The following DNAAF11 variants were observed in gnomAD, a reference collection of about 807,000 sequenced individuals.
The protein encoded by DNAAF11 is leucine rich repeat containing 6.
A neutral mutation model predicts 60.8 loss-of-function variants in DNAAF11; 45 were observed. That is an observed-to-expected ratio of 0.74 (90% confidence interval 0.58 to 0.95). The LOEUF is 0.95. Ranked by LOEUF, DNAAF11 falls within the 40% of genes least tolerant of loss-of-function variation. The pLI is 0.00. For synonymous variants in DNAAF11, 191 were observed against 183.5 expected (o/e 1.04, Z -0.33); for missense variants, 546 against 546.2 (o/e 1.00, Z 0.00).
intron 1 of DNAAF11, among the ~76,000 whole-genome samples, chr8:132,667,298 A>T (rs1164471443): frequency 6.6e-6 from 1 of 152,214 alleles, no homozygotes; most frequent in Non-Finnish European, 1.5e-5. Context: ...ACTGGAGATA[A>T]TGTTAGCATT....
chr8:132,656,058 C>T (rs530049631), intron 3 of DNAAF11, among the ~76,000 whole-genome samples: 1 of 152,332 alleles, frequency 6.6e-6, no homozygotes, highest in East Asian at 1.9e-4. Context: ...AGGAGGCTTA[C>T]TGTAGCCATG....
At chr8:132,646,498 A>C (rs1822402259) in intron 3 of DNAAF11, among the ~76,000 whole-genome samples, 1 of 152,234 alleles carries the variant, frequency 6.6e-6, no homozygotes, top group Non-Finnish European at 1.5e-5. Flanking sequence ...ATTAGCCTTA[A>C]ATGTAAATAG....
intron 5 of DNAAF11, among the ~76,000 whole-genome samples, chr8:132,630,777 T>C (rs1381389942): frequency 6.6e-6 from 1 of 152,134 alleles, no homozygotes; most frequent in Non-Finnish European, 1.5e-5. Context: ...TTTAAAATAT[T>C]CAAATTCACT....
At chr8:132,677,255 G>A (rs989231543), upstream of DNAAF11, among the ~76,000 whole-genome samples, 2 of 152,090 alleles carry the variant, frequency 1.3e-5, no homozygotes, top group African/African-American at 4.8e-5. Context: ...GTTCATCAAG[G>A]CTAAAAAGGA....
chr8:132,630,237 T>C (rs1820665549), intron 5 of DNAAF11, among the ~76,000 whole-genome samples: 1 of 152,220 alleles, frequency 6.6e-6, no homozygotes, highest in African/African-American at 2.4e-5. Context: ...AGATATGCTA[T>C]AAATCTATAC....
chr8:132,670,811 A>G, intron 1 of DNAAF11, among the ~76,000 whole-genome samples: 1 of 152,220 alleles, frequency 6.6e-6, no homozygotes, highest in East Asian at 1.9e-4. Context: ...TATAATGCTC[A>G]GAAATCCAAG....
chr8:132,624,273 G>A lies in DNAAF11; in HGVS notation c.836+999C>T, dbSNP rs181138012. Among the ~76,000 whole-genome samples the A allele has an allele frequency of 7.2e-5, 11 of 152,180 alleles. No individual in the cohort carries two copies. The East Asian group carries it at 2.1e-3, about 29-fold the overall frequency. The stretch of plus-strand genomic sequence containing the variant: ...CAGTACAGTGGGGTAGGTAAGACAG[G>A]TATGATAATCCCTGTTTAGCAGATG... On this transcript the variant is annotated intron_variant, in intron 6 of 11. Coordinates refer to ENST00000620350, the MANE Select transcript of DNAAF11 (RefSeq NM_012472.6).
intron 3 of DNAAF11, among the ~76,000 whole-genome samples, chr8:132,652,947 A>C (rs1020315666): frequency 2.2e-4 from 34 of 152,336 alleles, no homozygotes; most frequent in African/African-American, 7.5e-4. Context: ...AATAAAAAAA[A>C]AGTACGGCCA....
At chr8:132,650,364 G>C (rs1377117421) in intron 3 of DNAAF11, among the ~76,000 whole-genome samples, 2 of 149,768 alleles carry the variant, frequency 1.3e-5, no homozygotes, top group African/African-American at 4.9e-5. Context: ...ACTGGGGCCT[G>C]TCATGAGGTG....
intron 1 of DNAAF11, among the ~76,000 whole-genome samples, chr8:132,668,756 GA>G (rs748055259): frequency 2.0e-5 from 3 of 152,128 alleles, no homozygotes; most frequent in Non-Finnish European, 4.4e-5. Context: ...GCTGAATCTT[GA>G]AATGTGAGTA....
At chr8:132,693,648 T>C in the DNAAF11 span, among the ~76,000 whole-genome samples, 1 of 151,646 alleles carries the variant, frequency 6.6e-6, no homozygotes, top group African/African-American at 2.4e-5. Flanking sequence ...TACTACTAAG[T>C]GCTATTGGGG....
intron 6 of DNAAF11, among the ~76,000 whole-genome samples, chr8:132,624,622 A>G (rs1031962332): frequency 3.9e-5 from 6 of 152,118 alleles, no homozygotes; most frequent in African/African-American, 1.4e-4. Flanking sequence ...ACTATATTTC[A>G]GGGCTAATTT....
the DNAAF11 span, among the ~76,000 whole-genome samples, chr8:132,696,690 C>T: frequency 6.6e-6 from 1 of 152,052 alleles, no homozygotes; most frequent in Non-Finnish European, 1.5e-5. Context: ...GCATATACAC[C>T]ATGGAATACT....
At chr8:132,694,626 T>C in the DNAAF11 span, among the ~76,000 whole-genome samples, 1 of 152,230 alleles carries the variant, frequency 6.6e-6, no homozygotes, top group Non-Finnish European at 1.5e-5. Flanking sequence ...AATTGAATGA[T>C]GCCACTGCCA....
chr8:132,644,477 T>TG (rs1485677016), intron 3 of DNAAF11, among the ~76,000 whole-genome samples: 2 of 152,050 alleles, frequency 1.3e-5, no homozygotes, highest in Non-Finnish European at 2.9e-5. Flanking sequence ...TTCATCTCAC[T>TG]GGGGCTTGTT....
At chr8:132,583,658 T>A in intron 11 of DNAAF11, 36 bp downstream of exon 11, 1 of 1,519,390 alleles carries the variant, frequency 6.6e-7, no homozygotes, top group Non-Finnish European at 9.1e-7. Flanking sequence ...AAGAGAACAA[T>A]ATAATACAGC....
In DNAAF11 at chr8:132,570,506, C is replaced by T. The variant is rs1418349710; in HGVS notation, c.*1800G>A. Among the ~76,000 whole-genome samples, 1 of 152,142 alleles carries T rather than the reference C, an allele frequency of 6.6e-6. No individual in the cohort carries two copies. Among genetic ancestry groups the T allele is most frequent in the Non-Finnish European group, 1.5e-5 (1 of 68,022 alleles). On this transcript the variant is annotated 3_prime_UTR_variant, in exon 12 of 12. Transcript: ENST00000620350. Reference sequence around the variant, plus strand: ...TCTCTATGTGGAAATTAAATACAGTCCTGACAAATGTACATGATTTCCAAG... The same window carrying T: ...TCTCTATGTGGAAATTAAATACAGTTCTGACAAATGTACATGATTTCCAAG...
At position 132,570,816 on chromosome 8, in the gene DNAAF11, C is replaced by T. The variant is rs369802635; in HGVS notation, c.*1490G>A. Among the ~76,000 whole-genome samples the T allele has an allele frequency of 2.0e-5, 3 of 152,198 alleles. No individual in the cohort carries two copies. The highest frequency in any genetic ancestry group is 1.3e-4 in the Admixed American group (2 of 15,280). The stretch of plus-strand genomic sequence containing the variant: ...AGCCCACCCACCAGGATCTTGGCCA[C>T]GGACCAGAAGGGTAGCAGATAAATA... On this transcript the variant is annotated 3_prime_UTR_variant, in exon 12 of 12. Coordinates refer to ENST00000620350, the MANE Select transcript of DNAAF11 (RefSeq NM_012472.6).
the DNAAF11 span, among the ~76,000 whole-genome samples, chr8:132,688,036 C>CT: frequency 1.3e-5 from 2 of 152,098 alleles, no homozygotes; most frequent in African/African-American, 2.4e-5. Context: ...ATTTGTAATT[C>CT]TTTTTTTCTA....
Sources: allele counts gnomAD v4.1 joint callset (sites outside exome capture counted in the v4.1 genomes callset), GRCh38; gene constraint gnomAD v4.1.1; transcripts MANE v1.5; gene names NCBI Gene and HGNC (gene_info 2026-07-23, HGNC 2026-07-21).